CYB5R4: variants seen among roughly 807,000 people sequenced by gnomAD.
CYB5R4 encodes the protein cytochrome b5 reductase 4.
In CYB5R4, 55 loss-of-function variants were observed where a neutral mutation model predicts 70.2. That is an observed-to-expected ratio of 0.78 (90% CI 0.63 to 0.98). The LOEUF (loss-of-function observed/expected upper bound fraction) is 0.98, where lower values mean the gene tolerates loss of function less well. CYB5R4 is among the 50% of genes least tolerant of loss of function. CYB5R4 has a pLI of 0.00. For missense variants in CYB5R4, 562 were observed against 612.6 expected, an observed-to-expected ratio of 0.92 and a Z score of 0.87; for synonymous variants, 197 against 199.5, an observed-to-expected ratio of 0.99 and a Z score of 0.11.
At chr6:83,862,768 T>G (rs576715428) in intron 1 of CYB5R4, among the ~76,000 whole-genome samples, 1 of 152,290 alleles carries the variant, frequency 6.6e-6, no homozygotes, top group South Asian at 2.1e-4. Context: ...TCCTGTGGAT[T>G]ATGGAATGGA....
chr6:83,897,174 C>T (rs1017083922), intron 3 of CYB5R4, among the ~76,000 whole-genome samples: 7 of 151,284 alleles, frequency 4.6e-5, no homozygotes, highest in African/African-American at 1.7e-4. Flanking sequence ...GGTTTTTTGT[C>T]CTTGCGATAG....
intron 14 of CYB5R4, among the ~76,000 whole-genome samples, chr6:83,952,686 C>A (rs1356108122): frequency 1.3e-5 from 2 of 152,082 alleles, no homozygotes; most frequent in Admixed American, 1.3e-4. Context: ...CATTTCTGAT[C>A]TTTTTGTTTA....
At chr6:83,900,036 C>T (rs1193781061) in intron 3 of CYB5R4, among the ~76,000 whole-genome samples, 1 of 152,118 alleles carries the variant, frequency 6.6e-6, no homozygotes, top group Admixed American at 6.5e-5. Context: ...TCTTGCTTCT[C>T]TAGTTCTTTT....
At chr6:83,943,247 G>C (rs866835964) in intron 14 of CYB5R4, among the ~76,000 whole-genome samples, 1 of 152,146 alleles carries the variant, frequency 6.6e-6, no homozygotes, top group Admixed American at 6.5e-5. Flanking sequence ...CCTCTGGGAT[G>C]AAGCTTCCAG....
intron 2 of CYB5R4, among the ~76,000 whole-genome samples, chr6:83,892,391 A>G (rs962847455): frequency 1.3e-5 from 2 of 152,098 alleles, no homozygotes; most frequent in African/African-American, 4.8e-5. Flanking sequence ...AAATTCATGG[A>G]AGTCATCATA....
At chr6:83,953,931 C>T (rs1464546392) in intron 14 of CYB5R4, among the ~76,000 whole-genome samples, 1 of 152,164 alleles carries the variant, frequency 6.6e-6, no homozygotes, top group Non-Finnish European at 1.5e-5. Context: ...ATCACATAGG[C>T]ACTCATCAGA....
intron 10 of CYB5R4, among the ~76,000 whole-genome samples, chr6:83,926,041 C>T (rs2099467217): frequency 6.6e-6 from 1 of 152,044 alleles, no homozygotes; most frequent in Non-Finnish European, 1.5e-5. Flanking sequence ...TTCTGTGTCC[C>T]TCAGGTTTGT....
intron 2 of CYB5R4, among the ~76,000 whole-genome samples, chr6:83,865,347 A>C (rs1271096887): frequency 1.3e-5 from 2 of 152,208 alleles, no homozygotes; most frequent in Admixed American, 6.5e-5. Context: ...ACCACAAACT[A>C]GATGGCTTAA....
chr6:83,901,731 A>G (rs1296085503), intron 3 of CYB5R4, among the ~76,000 whole-genome samples: 1 of 148,444 alleles, frequency 6.7e-6, no homozygotes, highest in Non-Finnish European at 1.5e-5. Flanking sequence ...TAGCCATTCT[A>G]TCTGGGATAG....
intron 2 of CYB5R4, among the ~76,000 whole-genome samples, chr6:83,885,323 A>G (rs2129132406): frequency 6.6e-6 from 1 of 152,290 alleles, no homozygotes; most frequent in Non-Finnish European, 1.5e-5. Flanking sequence ...ACATCTTGGT[A>G]TTACTATGAA....
chr6:83,897,057 C>T (rs955162519), intron 3 of CYB5R4, among the ~76,000 whole-genome samples: 9 of 148,342 alleles, frequency 6.1e-5, no homozygotes, highest in African/African-American at 1.8e-4. Flanking sequence ...CTATCCCTCC[C>T]CCGTCCCCCT....
At chr6:83,919,349 C>T in intron 6 of CYB5R4, 48 bp from the exon 7 acceptor site, 1 of 988,232 alleles carries the variant, frequency 1.0e-6, no homozygotes. Context: ...TATGTGAATG[C>T]ACATGATTGT....
intron 2 of CYB5R4, among the ~76,000 whole-genome samples, chr6:83,884,045 A>T (rs1393167138): frequency 1.3e-5 from 2 of 151,972 alleles, no homozygotes; most frequent in Non-Finnish European, 2.9e-5. Context: ...AGAAACAGAG[A>T]CATATAACAG....
chr6:83,918,002 A>G lies in CYB5R4; in HGVS notation c.446-3A>G. 1 of 1,609,338 alleles carries G rather than the reference A, an allele frequency of 6.2e-7. No homozygotes were observed. Among genetic ancestry groups the G allele is most frequent in the Non-Finnish European group, 8.5e-7 (1 of 1,176,400 alleles). ...TGAACTATAGCTATCTTTCTTTGTA[A>G]AGGCATGCTTCCCAAGAGCCAAGTG... On this transcript the variant is annotated splice_region_variant and splice_polypyrimidine_tract_variant and intron_variant, in intron 5 of 15. Transcript: ENST00000369681.
intron 5 of CYB5R4, among the ~76,000 whole-genome samples, chr6:83,916,543 T>C (rs1320287423): frequency 6.6e-6 from 1 of 152,234 alleles, no homozygotes; most frequent in Non-Finnish European, 1.5e-5. Flanking sequence ...CGTGTAGTTT[T>C]GTAGTAGAGC....
chr6:83,866,320 T>C (rs1449185702), intron 2 of CYB5R4, among the ~76,000 whole-genome samples: 1 of 152,206 alleles, frequency 6.6e-6, no homozygotes, highest in Non-Finnish European at 1.5e-5. Context: ...GTATCCCTTA[T>C]CCAAAATGCT....
At chr6:83,923,931 G>A (rs975104121) in intron 9 of CYB5R4, among the ~76,000 whole-genome samples, 9 of 151,550 alleles carry the variant, frequency 5.9e-5, no homozygotes, top group Middle Eastern at 3.4e-3. Context: ...TTAGCCGGGC[G>A]TGGTGGTGGG....
At chr6:83,938,521 G>A (rs548241353) in intron 12 of CYB5R4, among the ~76,000 whole-genome samples, 92 of 152,274 alleles carry the variant, frequency 6.0e-4, no homozygotes, top group Non-Finnish European at 1.1e-3. Flanking sequence ...CTTTCCATGT[G>A]TTCTGATACT....
At position 83,940,537 on chromosome 6, in the gene CYB5R4, A is replaced by T; in HGVS notation, c.1282A>T (p.Asn428Tyr). Residue 428 changes from asparagine (N) to tyrosine (Y), a missense_variant, in exon 14 of 16, where the codon AAT becomes TAT. Asn to Tyr is a moderately radical substitution (Grantham distance 143). Transcript: ENST00000369681. ...AAGGAAAGTGAAGCTGATGTTCTTC[A>T]ATAAAACAGAAGATGATATAATTTG... ...SLRKVKLMFF[N>Y]KTEDDIIWRS... 6.3e-7 allele frequency: 1 copy of T among 1,592,144 alleles called. No homozygotes were observed. Among genetic ancestry groups the T allele is most frequent in the Non-Finnish European group, 8.5e-7 (1 of 1,174,010 alleles).
Sources: allele counts gnomAD v4.1 joint callset (sites outside exome capture counted in the v4.1 genomes callset), GRCh38; gene constraint gnomAD v4.1.1; transcripts MANE v1.5; gene names NCBI Gene and HGNC (gene_info 2026-07-23, HGNC 2026-07-21).